AUTS2: variants seen among roughly 807,000 people sequenced by gnomAD.
The protein encoded by AUTS2 is autism susceptibility gene 2 protein.
A neutral mutation model predicts 112.4 loss-of-function variants in AUTS2; 17 were observed. That is an observed-to-expected ratio of 0.15 (90% CI 0.10 to 0.23). The LOEUF (loss-of-function observed/expected upper bound fraction) is 0.23, where lower values mean the gene tolerates loss of function less well. AUTS2 is among the 10% of genes least tolerant of loss of function. The pLI is 1.00. For missense variants in AUTS2, 1,510 were observed against 1,701.6 expected, an observed-to-expected ratio of 0.89 and a Z score of 1.98; for synonymous variants, 751 against 702.7, an observed-to-expected ratio of 1.07 and a Z score of -1.09.
At chr7:70,296,482 G>T (rs776814410) in intron 4 of AUTS2, among the ~76,000 whole-genome samples, 1 of 152,154 alleles carries the variant, frequency 6.6e-6, no homozygotes, top group Admixed American at 6.5e-5. Context: ...AAATATATCA[G>T]CATTTTCAGC....
At chr7:69,634,581 T>G (rs1725457507) in intron 1 of AUTS2, among the ~76,000 whole-genome samples, 1 of 152,160 alleles carries the variant, frequency 6.6e-6, no homozygotes, top group African/African-American at 2.4e-5. Flanking sequence ...CTTGTAGCCT[T>G]GAAGGAGAGG....
At chr7:70,371,050 A>G (rs1585068713) in intron 4 of AUTS2, among the ~76,000 whole-genome samples, 1 of 152,142 alleles carries the variant, frequency 6.6e-6, no homozygotes, top group African/African-American at 2.4e-5. Flanking sequence ...CTAAGAAGGA[A>G]TTGGACGCAG....
chr7:70,373,141 G>T (rs11766392), intron 4 of AUTS2, among the ~76,000 whole-genome samples: 48,468 of 148,592 alleles, frequency 0.33, 8,363 homozygotes, highest in African/African-American at 0.45. Context: ...TTTTTTTTAT[G>T]TGAGAAACCA....
chr7:70,308,015 T>C (rs1307749533), intron 4 of AUTS2, among the ~76,000 whole-genome samples: 1 of 152,232 alleles, frequency 6.6e-6, no homozygotes, highest in East Asian at 1.9e-4. Flanking sequence ...AAAATAACTT[T>C]TGCTTTGGTA....
intron 1 of AUTS2, among the ~76,000 whole-genome samples, chr7:69,842,245 A>G (rs1014607571): frequency 6.6e-6 from 1 of 152,100 alleles, no homozygotes; most frequent in Non-Finnish European, 1.5e-5. Flanking sequence ...GATAAAATGG[A>G]TTTTTTTAAA....
At chr7:70,768,143 A>ATGAC (rs1790054901) in intron 10 of AUTS2, 75 bp downstream of exon 10, 1 of 1,374,486 alleles carries the variant, frequency 7.3e-7, no homozygotes, top group South Asian at 1.3e-5. Context: ...AGATCAGTCA[A>ATGAC]TGACTAGCAG....
intron 4 of AUTS2, among the ~76,000 whole-genome samples, chr7:70,162,217 C>T (rs889308851): frequency 3.3e-5 from 5 of 151,596 alleles, no homozygotes; most frequent in South Asian, 2.1e-4. Flanking sequence ...GAGGCCGAGG[C>T]GGGCGGATCA....
Position 69,760,551 on chromosome 7 carries a change from C to T in AUTS2, c.310-138735C>T, listed in dbSNP as rs184218764. Among the ~76,000 whole-genome samples the T allele has an allele frequency of 5.3e-5, 8 of 152,132 alleles. No homozygotes were observed. In the East Asian group the frequency reaches 7.8e-4, roughly 15 times the overall value. On this transcript the variant is annotated intron_variant, in intron 1 of 18. Coordinates refer to ENST00000342771, the MANE Select transcript of AUTS2 (RefSeq NM_015570.4). ...AAAATAATTACAAGTGTGTCGGGCG[C>T]GGTGGCTCACGCCTGTAATCCTAGC... is the stretch of plus-strand genomic sequence containing the variant.
At chr7:69,971,022 T>C (rs1230525209) in intron 2 of AUTS2, among the ~76,000 whole-genome samples, 1 of 152,028 alleles carries the variant, frequency 6.6e-6, no homozygotes, top group Non-Finnish European at 1.5e-5. Context: ...AAATTAAAAA[T>C]TAAAAAATTA....
chr7:70,033,120 G>A (rs998915798), intron 2 of AUTS2, among the ~76,000 whole-genome samples: 7 of 152,074 alleles, frequency 4.6e-5, no homozygotes, highest in African/African-American at 1.7e-4. Context: ...TGTGGTAATA[G>A]TTGCACAACT....
At chr7:69,695,457 C>CA (rs1005972901) in intron 1 of AUTS2, among the ~76,000 whole-genome samples, 2 of 151,776 alleles carry the variant, frequency 1.3e-5, no homozygotes, top group Non-Finnish European at 2.9e-5. Flanking sequence ...AAATATAAAA[C>CA]AAAAAAATTA....
intron 1 of AUTS2, among the ~76,000 whole-genome samples, chr7:69,631,358 C>T (rs1794235913): frequency 6.6e-6 from 1 of 152,044 alleles, no homozygotes; most frequent in Non-Finnish European, 1.5e-5. Context: ...GAGGACTGTA[C>T]CTGTTTTCTG....
intron 1 of AUTS2, among the ~76,000 whole-genome samples, chr7:69,814,722 G>A (rs984304554): frequency 6.6e-6 from 1 of 152,248 alleles, no homozygotes; most frequent in Non-Finnish European, 1.5e-5. Flanking sequence ...CAGGAACTTT[G>A]TGTGTGCACA....
intron 4 of AUTS2, chr7:70,294,112 C>A (rs1788828982): frequency 6.6e-6 from 1 of 152,152 alleles, no homozygotes; most frequent in African/African-American, 2.4e-5. Context: ...GGCTGCAGAA[C>A]CTACCTGAAA....
intron 4 of AUTS2, among the ~76,000 whole-genome samples, chr7:70,390,865 C>A (rs1285613862): frequency 6.6e-6 from 1 of 152,140 alleles, no homozygotes; most frequent in Non-Finnish European, 1.5e-5. Flanking sequence ...TAACCTGGGA[C>A]ATTAGGTAAA....
intron 5 of AUTS2, among the ~76,000 whole-genome samples, chr7:70,572,162 G>A (rs1247009703): frequency 6.6e-6 from 1 of 152,154 alleles, no homozygotes; most frequent in African/African-American, 2.4e-5. Context: ...AGAGAACAGA[G>A]GCGGTGCTAG....
intron 5 of AUTS2, among the ~76,000 whole-genome samples, chr7:70,468,193 G>T (rs1311428360): frequency 6.6e-6 from 1 of 152,150 alleles, no homozygotes; most frequent in Non-Finnish European, 1.5e-5. Context: ...TAGGAGCATT[G>T]TGTCCACATT....
At chr7:70,762,293 A>G (rs143502435) in intron 6 of AUTS2, among the ~76,000 whole-genome samples, 1 of 152,304 alleles carries the variant, frequency 6.6e-6, no homozygotes, top group East Asian at 1.9e-4. Context: ...TTCAGAATGT[A>G]GTCTAGGCTG....
At chr7:70,674,474 TAA>T (rs900168188) in intron 5 of AUTS2, among the ~76,000 whole-genome samples, 3 of 152,102 alleles carry the variant, frequency 2.0e-5, no homozygotes, top group African/African-American at 7.2e-5. Flanking sequence ...AGCCTCCTTT[TAA>T]AAAAAGAAGA....
Sources: allele counts gnomAD v4.1 joint callset (sites outside exome capture counted in the v4.1 genomes callset), GRCh38; gene constraint gnomAD v4.1.1; transcripts MANE v1.5; gene names NCBI Gene and HGNC (gene_info 2026-07-23, HGNC 2026-07-21).